RNGTT: variants seen among roughly 807,000 people sequenced by gnomAD.
The protein encoded by RNGTT is RNA guanylyltransferase and 5'-phosphatase.
A neutral mutation model predicts 79.3 loss-of-function variants in RNGTT; 33 were observed. The observed-to-expected ratio is 0.42, with a 90% confidence interval of 0.32 to 0.56. The LOEUF (loss-of-function observed/expected upper bound fraction) is 0.56. Among genes scored for constraint, RNGTT ranks in the 20% least tolerant of loss-of-function variants. RNGTT has a pLI of 0.17. For synonymous variants in RNGTT, 222 were observed against 235.9 expected, an observed-to-expected ratio of 0.94 and a Z score of 0.54; for missense variants, 497 against 739.1, an observed-to-expected ratio of 0.67 and a Z score of 3.80.
intron 12 of RNGTT, among the ~76,000 whole-genome samples, chr6:88,775,401 C>T (rs1160077181): frequency 6.6e-6 from 1 of 152,192 alleles, no homozygotes; most frequent in African/African-American, 2.4e-5. Context: ...ACTCCCCCAT[C>T]CTCAGCACTG....
intron 2 of RNGTT, among the ~76,000 whole-genome samples, chr6:88,930,157 CAT>C (rs1337691964): frequency 6.8e-6 from 1 of 147,266 alleles, no homozygotes; most frequent in Non-Finnish European, 1.5e-5. Flanking sequence ...TACGTACATA[CAT>C]ATATACATAT....
chr6:88,926,710 T>C (rs773138831), intron 4 of RNGTT, among the ~76,000 whole-genome samples: 2 of 152,220 alleles, frequency 1.3e-5, no homozygotes, highest in Non-Finnish European at 2.9e-5. Flanking sequence ...ACTGGCTGTG[T>C]GAGTGACCCT....
At chr6:88,762,671 T>TA (rs1306237619) in intron 13 of RNGTT, among the ~76,000 whole-genome samples, 12 of 152,190 alleles carry the variant, frequency 7.9e-5, no homozygotes, top group Non-Finnish European at 1.2e-4. Context: ...GTGGTCTTTT[T>TA]AAAAAATAGT....
In RNGTT at chr6:88,817,281, T is replaced by C. The variant is rs545587611; in HGVS notation, c.1270-15649A>G. Among the ~76,000 whole-genome samples the C allele has an allele frequency of 7.2e-5, 11 of 152,182 alleles. No individual in the cohort carries two copies. In the East Asian group the frequency reaches 1.9e-3, roughly 27 times the overall value. On this transcript the variant is annotated intron_variant, in intron 11 of 15. Transcript: ENST00000369485. ...GTACAGTTATCTCACTTCAGACATA[T>C]CAGACAGATGGAATTTAAAAGGTAC...
At chr6:88,772,066 C>T (rs1000150056) in intron 12 of RNGTT, among the ~76,000 whole-genome samples, 11 of 151,868 alleles carry the variant, frequency 7.2e-5, no homozygotes, top group South Asian at 4.2e-4. Context: ...GTAGTCCCGG[C>T]TCCTTAGGAG....
intron 4 of RNGTT, among the ~76,000 whole-genome samples, chr6:88,907,062 C>G (rs913291453): frequency 6.6e-6 from 1 of 152,082 alleles, no homozygotes; most frequent in Non-Finnish European, 1.5e-5. Context: ...CTCTAGAAAC[C>G]AACTAACTGT....
chr6:88,701,928 G>A (rs994139619), intron 13 of RNGTT, among the ~76,000 whole-genome samples: 4 of 152,022 alleles, frequency 2.6e-5, no homozygotes, highest in African/African-American at 7.2e-5. Flanking sequence ...TGCTCGAGAT[G>A]AGAGCCAAAT....
intron 11 of RNGTT, among the ~76,000 whole-genome samples, chr6:88,826,502 G>A (rs1434471202): frequency 4.6e-5 from 7 of 151,804 alleles, no homozygotes; most frequent in Non-Finnish European, 1.0e-4. Flanking sequence ...AAAAATCATC[G>A]GCCAGGTGCG....
In RNGTT at chr6:88,769,874, T is replaced by TTCCAGTAGG; in HGVS notation, c.1339-1_1339insCCTACTGGA (p.Pro444_Gly446dup). The TTCCAGTAGG allele has an allele frequency of 6.2e-7, 1 of 1,600,304 alleles. No homozygotes were observed. The highest frequency in any genetic ancestry group is 8.6e-7 in the Non-Finnish European group (1 of 1,169,184). ...TCATCACATCGACCAGGTTTGTATTTCTAAAGCCAATTAAAATGATGACAA... is the reference window on the plus strand; with the variant it reads ...TCATCACATCGACCAGGTTTGTATTTTCCAGTAGGCTAAAGCCAATTAAAATGATGACAA... On this transcript the variant is annotated inframe_insertion and splice_region_variant. Coordinates refer to ENST00000369485, the MANE Select transcript of RNGTT (RefSeq NM_003800.5).
At chr6:88,764,217 T>C (rs1156703379) in intron 13 of RNGTT, among the ~76,000 whole-genome samples, 1 of 152,250 alleles carries the variant, frequency 6.6e-6, no homozygotes, top group African/African-American at 2.4e-5. Context: ...TTTTCATCTC[T>C]TCAGTTCTTT....
chr6:88,645,705 C>G (rs1773522834), intron 14 of RNGTT, among the ~76,000 whole-genome samples: 1 of 152,158 alleles, frequency 6.6e-6, no homozygotes, highest in African/African-American at 2.4e-5. Context: ...TACCACACAT[C>G]TACAACCATC....
intron 4 of RNGTT, among the ~76,000 whole-genome samples, chr6:88,923,649 G>A (rs751103504): frequency 7.2e-5 from 11 of 152,154 alleles, no homozygotes; most frequent in Non-Finnish European, 1.6e-4. Flanking sequence ...AAGGCTCTGT[G>A]TAGAAACAGA....
At chr6:88,744,829 A>T (rs1777611624) in intron 13 of RNGTT, among the ~76,000 whole-genome samples, 1 of 152,196 alleles carries the variant, frequency 6.6e-6, no homozygotes, top group Admixed American at 6.5e-5. Flanking sequence ...AAATGAGATA[A>T]ATTTCAAGTA....
chr6:88,832,998 A>G (rs988504537), intron 11 of RNGTT, among the ~76,000 whole-genome samples: 1 of 152,216 alleles, frequency 6.6e-6, no homozygotes, highest in Non-Finnish European at 1.5e-5. Flanking sequence ...TAGTTCCATC[A>G]TTGTGGAAGA....
At chr6:88,799,080 C>A (rs1779695789) in intron 12 of RNGTT, among the ~76,000 whole-genome samples, 1 of 150,582 alleles carries the variant, frequency 6.6e-6, no homozygotes, top group East Asian at 1.9e-4. Flanking sequence ...ACCACAAAAG[C>A]AGAAAATGAC....
At chr6:88,755,625 T>C (rs1777985812) in intron 13 of RNGTT, among the ~76,000 whole-genome samples, 1 of 152,034 alleles carries the variant, frequency 6.6e-6, no homozygotes, top group African/African-American at 2.4e-5. Flanking sequence ...GGTAAGGTAT[T>C]AGAAACTATT....
intron 13 of RNGTT, among the ~76,000 whole-genome samples, chr6:88,712,541 T>C (rs1383794342): frequency 6.6e-6 from 1 of 152,150 alleles, no homozygotes; most frequent in Non-Finnish European, 1.5e-5. Flanking sequence ...CAAATTCCTG[T>C]CCTCATGTGA....
rs546015105 is a variant in RNGTT, at chr6:88,747,593, C to T, written c.1439+22181G>A. On this transcript the variant is annotated intron_variant, in intron 13 of 15. Transcript: ENST00000369485. ...TGAAGAAGTCTATAAAAGCCTGTATCCCCGTGTTTGATGGTGAGCCTAAAG... is the reference window on the plus strand; with the variant it reads ...TGAAGAAGTCTATAAAAGCCTGTATTCCCGTGTTTGATGGTGAGCCTAAAG... Among the ~76,000 whole-genome samples, 9 of 152,286 alleles carry T rather than the reference C, an allele frequency of 5.9e-5. No homozygotes were observed. In the South Asian group the frequency reaches 1.9e-3, roughly 32 times the overall value.
At chr6:88,701,182 A>C (rs1257467878) in intron 13 of RNGTT, among the ~76,000 whole-genome samples, 2 of 152,128 alleles carry the variant, frequency 1.3e-5, no homozygotes, top group Non-Finnish European at 2.9e-5. Context: ...GGGAAGGCAG[A>C]GACTCACTGA....
Sources: allele counts gnomAD v4.1 joint callset (sites outside exome capture counted in the v4.1 genomes callset), GRCh38; gene constraint gnomAD v4.1.1; transcripts MANE v1.5; gene names NCBI Gene and HGNC (gene_info 2026-07-23, HGNC 2026-07-21).